The following SLC8A3 variants were observed in gnomAD, a reference collection of about 807,000 sequenced individuals.
SLC8A3 encodes the protein solute carrier family 8 member A3.
A neutral mutation model predicts 65.4 loss-of-function variants in SLC8A3; 37 were observed. The observed-to-expected ratio is 0.57, with a 90% CI of 0.44 to 0.74. The LOEUF (loss-of-function observed/expected upper bound fraction) is 0.74, where lower values mean the gene tolerates loss of function less well. Among genes scored for constraint, SLC8A3 ranks in the 30% least tolerant of loss-of-function variants. The pLI is 0.00. For missense variants in SLC8A3, 1,112 were observed against 1,172.1 expected, an observed-to-expected ratio of 0.95 and a Z score of 0.75; for synonymous variants, 461 against 444.5, an observed-to-expected ratio of 1.04 and a Z score of -0.47.
chr14:70,168,403 T>A lies in SLC8A3; in HGVS notation c.20A>T (p.Gln7Leu), dbSNP rs1462639397. The change falls in exon 2 of 7, where the codon CAG becomes CTG. Residue 7 changes from glutamine to leucine, a missense_variant. Transcript: ENST00000356921. ...ATGGAGGAAGGCAGAGGTGAGAGGC[T>A]GCAACCTTAACCACGCCATACACGA... is the stretch of plus-strand genomic sequence containing the variant. MAWLRLQPLTSAFLHFG... is the reference protein window; with the variant it reads MAWLRLLPLTSAFLHFG... 3.7e-6 allele frequency: 6 copies of A among 1,613,730 alleles called. No individual in the cohort carries two copies. Among genetic ancestry groups the A allele is most frequent in the Non-Finnish European group, 5.1e-6 (6 of 1,179,888 alleles).
chr14:70,148,570 C>T (rs1376689898), intron 2 of SLC8A3, among the ~76,000 whole-genome samples: 1 of 152,144 alleles, frequency 6.6e-6, no homozygotes, highest in Non-Finnish European at 1.5e-5. Flanking sequence ...GTGAGCCAGC[C>T]TTTTATCTCC....
intron 2 of SLC8A3, among the ~76,000 whole-genome samples, chr14:70,158,433 G>C (rs1594778366): frequency 6.6e-6 from 1 of 152,220 alleles, no homozygotes; most frequent in African/African-American, 2.4e-5. Context: ...CTGGTATGGA[G>C]AGATGGCAGT....
chr14:70,156,483 A>G (rs1896582005), intron 2 of SLC8A3, among the ~76,000 whole-genome samples: 1 of 152,224 alleles, frequency 6.6e-6, no homozygotes, highest in Non-Finnish European at 1.5e-5. Context: ...GAGCGCAGAT[A>G]CAGCCTCACA....
In SLC8A3 at chr14:70,134,554, G is replaced by C. The variant is rs1241270494; in HGVS notation, c.1784+32085C>G. On this transcript the variant is annotated intron_variant, in intron 2 of 6. Transcript: ENST00000356921. Reference sequence around the variant, plus strand: ...TTCCTCATCCCATGTCCAATCCATAGGGGTATTTTGTCATTCGTTCTGCAA... The same window carrying C: ...TTCCTCATCCCATGTCCAATCCATACGGGTATTTTGTCATTCGTTCTGCAA... Among the ~76,000 whole-genome samples the C allele has an allele frequency of 2.6e-5, 4 of 152,248 alleles. No individual in the cohort carries two copies. In the East Asian group the frequency reaches 7.7e-4, roughly 29 times the overall value.
At chr14:70,185,011 A>G (rs1258634237) in intron 1 of SLC8A3, among the ~76,000 whole-genome samples, 16 of 143,118 alleles carry the variant, frequency 1.1e-4, no homozygotes, top group Non-Finnish European at 2.3e-4. Flanking sequence ...CTGTCGCCCA[A>G]GCTGGAGTGC....
In SLC8A3 at chr14:70,167,434, T is replaced by C; in HGVS notation, c.989A>G (p.Lys330Arg). 1 of 1,614,156 alleles carries C rather than the reference T, an allele frequency of 6.2e-7. No homozygotes were observed. Among genetic ancestry groups the C allele is most frequent in the South Asian group, 1.1e-5 (1 of 91,078 alleles). Residue 330 changes from lysine to arginine, a missense_variant, in exon 2 of 7, where the codon AAG (lysine) becomes AGG (arginine). Transcript: ENST00000356921. ...LKDLKQKHPE[K>R]DLDQLVEMAN... is the part of the protein sequence containing the mutation. ...CATCTCCACCAGCTGATCTAAGTCC[T>C]TCTCTGGGTGTTTTTGCTTCAGATC...
rs149204532 is a variant in SLC8A3, at chr14:70,166,961, G to A, written c.1462C>T (p.Arg488Cys). Reference sequence around the variant, plus strand: ...TCCTCTGGCTGCTCCTCCTCTATGCGGACATTGCTCAACCTTACAAAGAAG... The same window carrying A: ...TCCTCTGGCTGCTCCTCCTCTATGCAGACATTGCTCAACCTTACAAAGAAG... The part of the protein sequence containing the change: ...EHFFVRLSNV[R>C]IEEEQPEEGM... Residue 488 changes from arginine to cysteine, a missense_variant, in exon 2 of 7, where the codon CGC (arginine) becomes TGC (cysteine). Arg to Cys is a radical substitution (Grantham distance 180, BLOSUM62 -3). Transcript: ENST00000356921. 692 of 1,614,060 alleles carry A rather than the reference G, an allele frequency of 4.3e-4. 2 individuals are homozygous for A. The highest frequency in any genetic ancestry group is 2.5e-3 in the Middle Eastern group (15 of 6,062).
At chr14:70,121,135 C>G (rs913473776) in intron 2 of SLC8A3, among the ~76,000 whole-genome samples, 9 of 151,720 alleles carry the variant, frequency 5.9e-5, no homozygotes, top group Non-Finnish European at 8.8e-5. Flanking sequence ...GCATTTTAGA[C>G]CCCCCCCAAA....
chr14:70,104,279 T>G (rs1306114844), intron 2 of SLC8A3, among the ~76,000 whole-genome samples: 1 of 152,178 alleles, frequency 6.6e-6, no homozygotes, highest in African/African-American at 2.4e-5. Flanking sequence ...ATCACCTCAT[T>G]GTCATATATA....
chr14:70,121,252 C>T (rs1332523651), intron 2 of SLC8A3, among the ~76,000 whole-genome samples: 2 of 152,150 alleles, frequency 1.3e-5, no homozygotes, highest in Non-Finnish European at 2.9e-5. Flanking sequence ...GCCAGTCATT[C>T]TGAGTCATGG....
intron 2 of SLC8A3, among the ~76,000 whole-genome samples, chr14:70,139,788 G>T (rs551052718): frequency 6.6e-6 from 1 of 152,180 alleles, no homozygotes; most frequent in African/African-American, 2.4e-5. Flanking sequence ...AAACATGATT[G>T]CCCCTTTGAG....
intron 2 of SLC8A3, among the ~76,000 whole-genome samples, chr14:70,065,573 G>A (rs574962905): frequency 5.9e-5 from 9 of 152,292 alleles, no homozygotes; most frequent in South Asian, 4.1e-4. Context: ...ATGCTCTAAA[G>A]TTCTTCAAGT....
chr14:70,056,724 A>G (rs1317969308), intron 3 of SLC8A3, among the ~76,000 whole-genome samples: 2 of 152,192 alleles, frequency 1.3e-5, no homozygotes, highest in African/African-American at 4.8e-5. Context: ...GGTATTCTGG[A>G]ACAGAGAAAC....
At chr14:70,073,552 C>A (rs577853228) in intron 2 of SLC8A3, among the ~76,000 whole-genome samples, 30 of 152,156 alleles carry the variant, frequency 2.0e-4, no homozygotes, top group Non-Finnish European at 3.5e-4. Flanking sequence ...AAATCCCCTT[C>A]TTGGAAAGGC....
Position 70,046,437 on chromosome 14 carries a change from G to A in SLC8A3, c.2390-114C>T. ...TGGTGGGCTGAACCCAGGAATGAGAGACAAGGGCTAGGGGGCCACTCCTAA... is the reference window on the plus strand; with the variant it reads ...TGGTGGGCTGAACCCAGGAATGAGAAACAAGGGCTAGGGGGCCACTCCTAA... On this transcript the variant is annotated intron_variant, in intron 6 of 6. Transcript: ENST00000356921. This position sits in a 1 kb window ranked among gnomAD's most constrained non-coding sequence, Gnocchi z 4.2. 1 of 1,119,326 alleles carries A rather than the reference G, an allele frequency of 8.9e-7. No homozygotes were observed. The highest frequency in any genetic ancestry group is 1.6e-5 in the South Asian group (1 of 62,436). The allele number at this position is 1,119,326 out of a possible 1,614,324, so 69.3% of individuals were successfully genotyped here.
rs371292971 is a variant in SLC8A3 at position 70,124,304 on chromosome 14, C to T, written c.1784+42335G>A. ...TAAATCCAGTGACCACCCCTTGCCT[C>T]TCTCTTCAGTAATATCATCACCACC... On this transcript the variant is annotated intron_variant, in intron 2 of 6. Transcript: ENST00000356921. Among the ~76,000 whole-genome samples the T allele has an allele frequency of 5.1e-4, 78 of 152,352 alleles. No homozygotes were observed. The South Asian group carries it at 0.01, about 20-fold the overall frequency.
At position 70,062,406 on chromosome 14, in the gene SLC8A3, C is replaced by T. The variant is rs141854059; in HGVS notation, c.1785-1467G>A. ...AGTGGTCCCATAAGGCTATATACTA[C>T]GATATTTTTACTGTGCCTTTTCTAT... On this transcript the variant is annotated intron_variant, in intron 2 of 6. Coordinates refer to ENST00000356921, the MANE Select transcript of SLC8A3 (RefSeq NM_182932.3). Among the ~76,000 whole-genome samples the T allele has an allele frequency of 2.5e-3, 387 of 152,222 alleles. 3 individuals are homozygous for T. Among genetic ancestry groups the T allele is most frequent in the African/African-American group, 8.3e-3 (346 of 41,524 alleles).
intron 1 of SLC8A3, among the ~76,000 whole-genome samples, chr14:70,182,253 A>C (rs987809846): frequency 3.3e-5 from 5 of 152,120 alleles, no homozygotes; most frequent in Non-Finnish European, 5.9e-5. Flanking sequence ...AAAATTCAGG[A>C]GGAGTTAACA....
At chr14:70,102,852 T>G (rs1892629720) in intron 2 of SLC8A3, among the ~76,000 whole-genome samples, 1 of 151,860 alleles carries the variant, frequency 6.6e-6, no homozygotes, top group African/African-American at 2.4e-5. Flanking sequence ...CAACTGGAGT[T>G]CCAAAGAGAG....
Sources: allele counts gnomAD v4.1 joint callset (sites outside exome capture counted in the v4.1 genomes callset), GRCh38; gene constraint gnomAD v4.1.1; non-coding constraint Gnocchi (gnomAD v3.1); transcripts MANE v1.5; gene names NCBI Gene and HGNC (gene_info 2026-07-23, HGNC 2026-07-21).